Variants in PIGQ observed in about 807,000 individuals in gnomAD.
PIGQ encodes phosphatidylinositol N-acetylglucosaminyltransferase subunit Q.
PIGQ carries 54 observed loss-of-function variants against 60.3 expected under a neutral mutation model. That is an observed-to-expected ratio of 0.90 (90% CI 0.72 to 1.12). PIGQ has a LOEUF of 1.12. Among genes scored for constraint, PIGQ ranks in the 50% most tolerant of loss-of-function variants. PIGQ has a pLI of 0.00. For missense variants in PIGQ, 799 were observed against 793.5 expected, an observed-to-expected ratio of 1.01 and a Z score of -0.08; for synonymous variants, 416 against 363.7, an observed-to-expected ratio of 1.14 and a Z score of -1.64.
At chr16:580,344 G>A in intron 8 of PIGQ, 81 bp downstream of exon 8, 1 of 1,154,582 alleles carries the variant, frequency 8.7e-7, no homozygotes. Context: ...GCAGTCAGCT[G>A]TGGGGCGGGC....
intron 4 of PIGQ, among the ~76,000 whole-genome samples, chr16:577,578 GAAAA>G (rs36098074): frequency 6.3e-5 from 8 of 126,886 alleles, no homozygotes; most frequent in African/African-American, 2.3e-4. Flanking sequence ...CTCCGTCTCA[GAAAA>G]AAAAAAAAAA....
chr16:571,608 G>A (rs865873861), intron 1 of PIGQ, among the ~76,000 whole-genome samples: 87 of 105,666 alleles, frequency 8.2e-4, no homozygotes, highest in Non-Finnish European at 1.4e-3. Context: ...CTAGCCTGGC[G>A]CCCGTGTGTG....
Position 576,218 on chromosome 16 carries a change from C to T in PIGQ, c.906C>T (p.Ile302=), listed in dbSNP as rs373557498. The T allele has an allele frequency of 2.8e-5, 43 of 1,551,380 alleles. No individual in the cohort carries two copies. The highest frequency in any genetic ancestry group is 2.7e-4 in the East Asian group (11 of 41,160). The stretch of plus-strand genomic sequence containing the variant: ...CCTGGCTCCACGGGAGAAGCCGCAT[C>T]GGGCATCTGGCCGACGCCCTCGTTC... The part of the protein sequence containing the change: ...LLSWLHGRSR[I]GHLADALVPV... The change falls in exon 4 of 11, where the codon ATC becomes ATT. Residue 302 remains isoleucine, a synonymous_variant. Transcript: ENST00000321878.
In PIGQ at chr16:583,114, G is replaced by A; in HGVS notation, c.*79G>A. ...CTGCCAGGGTGGCACCAGCTCAGCT[G>A]GCGCATGTCCTGTGCTTTGTGGACG... On this transcript the variant is annotated 3_prime_UTR_variant, in exon 11 of 11. Coordinates refer to ENST00000321878, the MANE Select transcript of PIGQ (RefSeq NM_004204.5). 1.2e-6 allele frequency: 2 copies of A among 1,613,174 alleles called. No individual in the cohort carries two copies. Among genetic ancestry groups the A allele is most frequent in the Non-Finnish European group, 1.7e-6 (2 of 1,179,966 alleles).
intron 1 of PIGQ, among the ~76,000 whole-genome samples, chr16:572,854 C>T (rs1297978118): frequency 1.3e-5 from 2 of 152,266 alleles, no homozygotes; most frequent in Admixed American, 6.5e-5. Context: ...GCGTGGTGGG[C>T]GCTGGGACCT....
At chr16:574,004 C>T (rs2035673239) in intron 1 of PIGQ, 62 bp from the exon 2 acceptor site, 2 of 1,241,634 alleles carry the variant, frequency 1.6e-6, no homozygotes, top group Admixed American at 2.3e-5. Flanking sequence ...GTGCAACATC[C>T]CGCAGCCCAC....
chr16:578,543 A>G, intron 5 of PIGQ, 38 bp downstream of exon 5: 1 of 1,599,202 alleles, frequency 6.3e-7, no homozygotes, highest in Non-Finnish European at 8.5e-7. Context: ...GGGACCCCAG[A>G]GCTTGCTGAA....
In PIGQ at chr16:579,031, C is replaced by T. The variant is rs374477966; in HGVS notation, c.1224-38C>T. The T allele has an allele frequency of 1.1e-3, 260 of 238,300 alleles. No individual in the cohort carries two copies. The highest frequency in any genetic ancestry group is 1.6e-3 in the Non-Finnish European group (246 of 150,220). 14.8% of individuals were successfully genotyped at this position (238,300 alleles called of 1,614,324 possible). ...CGAGTGGGGCGGGGGCGGGGCGGGG[C>T]GGGGCGGGGCCGGGCCCGACAGCAC... On this transcript the variant is annotated intron_variant, in intron 6 of 10. Coordinates refer to ENST00000321878, the MANE Select transcript of PIGQ (RefSeq NM_004204.5).
At position 575,907 on chromosome 16, in the gene PIGQ, G is replaced by T. The variant is rs763729616; in HGVS notation, c.758G>T (p.Arg253Leu). 4.4e-6 allele frequency: 7 copies of T among 1,578,230 alleles called. No individual in the cohort carries two copies. The highest frequency in any genetic ancestry group is 1.3e-5 in the African/African-American group (1 of 74,312). Residue 253 changes from arginine (R) to leucine (L), a missense_variant, in exon 3 of 11, where the codon CGG (arginine) becomes CTG (leucine). Transcript: ENST00000321878. ...KLSTCEQLRH[R>L]LEHLTLIFST... The stretch of plus-strand genomic sequence containing the variant: ...TCCACGTGCGAACAGCTCCGGCACC[G>T]GCTGGAGCACCTCACGCTAATCTTC...
chr16:578,751 G>C (rs1350071716), intron 5 of PIGQ, 34 bp from the exon 6 acceptor site: 1 of 1,606,164 alleles, frequency 6.2e-7, no homozygotes, highest in Middle Eastern at 1.7e-4. Context: ...GCTGGGGTCT[G>C]AGCGCCTCCT....
intron 7 of PIGQ, chr16:579,384 GAA>G: frequency 1.7e-6 from 1 of 594,970 alleles, no homozygotes; most frequent in South Asian, 2.0e-5. Flanking sequence ...GGGCCACAGA[GAA>G]GAGACAGACA....
intron 9 of PIGQ, chr16:581,370 AC>A: frequency 8.6e-7 from 1 of 1,163,742 alleles, no homozygotes; most frequent in Non-Finnish European, 1.1e-6. Context: ...GTGCCGGAAA[AC>A]CCCGTCCACT....
At chr16:571,087 G>A (rs370016181) in intron 1 of PIGQ, among the ~76,000 whole-genome samples, 3 of 33,718 alleles carry the variant, frequency 8.9e-5, no homozygotes, top group South Asian at 2.3e-3. Flanking sequence ...GTGTGTGTGT[G>A]TGTGTGTGTG....
chr16:583,109 C>T lies in PIGQ; in HGVS notation c.*74C>T, dbSNP rs1021561599. Reference sequence around the variant, plus strand: ...CTGCTCTGCCAGGGTGGCACCAGCTCAGCTGGCGCATGTCCTGTGCTTTGT... The same window carrying T: ...CTGCTCTGCCAGGGTGGCACCAGCTTAGCTGGCGCATGTCCTGTGCTTTGT... On this transcript the variant is annotated 3_prime_UTR_variant, in exon 11 of 11. Coordinates refer to ENST00000321878, the MANE Select transcript of PIGQ (RefSeq NM_004204.5). The T allele has an allele frequency of 3.1e-6, 5 of 1,613,142 alleles. No individual in the cohort carries two copies. Among genetic ancestry groups the T allele is most frequent in the Admixed American group, 3.3e-5 (2 of 60,008 alleles).
At chr16:571,611 C>CATGTGTGTGTGT (rs1491121045) in intron 1 of PIGQ, among the ~76,000 whole-genome samples, 2 of 125,106 alleles carry the variant, frequency 1.6e-5, no homozygotes, top group Admixed American at 8.3e-5. Flanking sequence ...GCCTGGCGCC[C>CATGTGTGTGTGT]GTGTGTGTGT....
At chr16:581,089 A>T in intron 9 of PIGQ, 117 bp downstream of exon 9, 2 of 1,354,018 alleles carry the variant, frequency 1.5e-6, no homozygotes, top group Non-Finnish European at 2.1e-6. Context: ...AAGCCGTGGT[A>T]TGCATGCGCA....
Position 583,492 on chromosome 16 carries a change from C to T in PIGQ, c.*457C>T. 1 of 1,612,762 alleles carries T rather than the reference C, an allele frequency of 6.2e-7. No homozygotes were observed. The highest frequency in any genetic ancestry group is 1.1e-5 in the South Asian group (1 of 91,076). On this transcript the variant is annotated 3_prime_UTR_variant, in exon 11 of 11. Coordinates refer to ENST00000321878, the MANE Select transcript of PIGQ (RefSeq NM_004204.5). ...GATGAACCCCCCAGTCCCAGGCACC[C>T]TCTAGCTCCCTCAGCCGAACAGCAC...
intron 1 of PIGQ, among the ~76,000 whole-genome samples, chr16:571,610 CCG>C (rs1491327471): frequency 2.0e-5 from 2 of 97,698 alleles, no homozygotes; most frequent in Non-Finnish European, 4.1e-5. Context: ...AGCCTGGCGC[CCG>C]TGTGTGTGTG....
At chr16:582,798 C>G (rs1381496467) in intron 10 of PIGQ, 85 bp from the exon 11 acceptor site, 4 of 1,426,064 alleles carry the variant, frequency 2.8e-6, no homozygotes, top group Non-Finnish European at 3.8e-6. Flanking sequence ...CTGGCCCTGC[C>G]TCACAACTGC....
Sources: gnomAD v4.1 joint callset for allele counts (sites outside exome capture counted in the v4.1 genomes callset) on GRCh38, gnomAD v4.1.1 for gene constraint, MANE v1.5 for transcripts, NCBI Gene and HGNC (gene_info 2026-07-23, HGNC 2026-07-21) for gene names.